Variants in NLRP1 observed in about 807,000 individuals in gnomAD.
NLRP1 encodes NACHT, LRR and PYD domains-containing protein 1.
In NLRP1, 94 loss-of-function variants were observed where a neutral mutation model predicts 136.7. The ratio of observed to expected loss-of-function variants is 0.69; its 90% CI spans 0.58 to 0.82. The LOEUF is 0.82. Ranked by LOEUF, NLRP1 falls within the 40% of genes least tolerant of loss-of-function variation. The probability of loss-of-function intolerance (pLI) is 0.00; values close to 1 mark genes in which losing one functional copy is unlikely to be tolerated. For synonymous variants in NLRP1, 690 were observed against 725.1 expected (o/e 0.95, Z 0.78); for missense variants, 1,575 against 1,802.7 (o/e 0.87, Z 2.29).
At chr17:5,567,788 T>A (rs2151814146) in intron 3 of NLRP1, among the ~76,000 whole-genome samples, 1 of 152,218 alleles carries the variant, frequency 6.6e-6, no homozygotes, top group African/African-American at 2.4e-5. Flanking sequence ...TTTGGGAAAA[T>A]CTTTATTTCT....
At chr17:5,531,831 C>A (rs1193813800) in intron 11 of NLRP1, among the ~76,000 whole-genome samples, 1 of 152,192 alleles carries the variant, frequency 6.6e-6, no homozygotes, top group African/African-American at 2.4e-5. Context: ...TAGTACAGTC[C>A]TTAGCTCATT....
chr17:5,531,292 T>C (rs1373102973), intron 11 of NLRP1, among the ~76,000 whole-genome samples: 1 of 152,146 alleles, frequency 6.6e-6, no homozygotes, highest in Non-Finnish European at 1.5e-5. Context: ...CTTGGTTCAC[T>C]GCAGCCTCGA....
At chr17:5,535,207 G>A (rs1391186084) in intron 8 of NLRP1, among the ~76,000 whole-genome samples, 10 of 151,250 alleles carry the variant, frequency 6.6e-5, no homozygotes, top group Admixed American at 2.6e-4. Context: ...GTGACAGAGC[G>A]AGACTCTGTC....
At position 5,558,553 on chromosome 17, in the gene NLRP1, A is replaced by G. The variant is rs755314780; in HGVS notation, c.2143T>C (p.Ser715Pro). ...TACAAGCAGTGGAGGGACTCCAGAG[A>G]GTGTGGCTGCAGCAGCAGCTGCAGG... is the stretch of plus-strand genomic sequence containing the variant. ...PSLQLLLQPH[S>P]LESLHCLYET... Residue 715 changes from serine (S) to proline (P), a missense_variant, in exon 4 of 17, where the codon TCT (serine) becomes CCT (proline). Ser to Pro is a moderately conservative substitution (Grantham distance 74). Coordinates refer to ENST00000572272, the MANE Select transcript of NLRP1 (RefSeq NM_033004.4). The G allele has an allele frequency of 3.1e-6, 5 of 1,613,738 alleles. No individual in the cohort carries two copies. The highest frequency in any genetic ancestry group is 2.2e-5 in the South Asian group (2 of 91,062).
chr17:5,539,726 G>T, intron 6 of NLRP1, 141 bp from the exon 7 acceptor site: 1 of 1,386,922 alleles, frequency 7.2e-7, no homozygotes, highest in East Asian at 2.7e-5. Context: ...AAACTTTCCT[G>T]GCTTGCGGTA....
In NLRP1 at chr17:5,532,446, A is replaced by G. The variant is rs574879453; in HGVS notation, c.3296+376T>C. 2.0e-5 allele frequency among the ~76,000 whole-genome samples: 3 copies of G among 152,282 alleles called. No homozygotes were observed. In the South Asian group the frequency reaches 6.2e-4, roughly 32 times the overall value. ...TTTTTGTTTTTTGAGATGCGTAATGAAATATTTAAGGGTAAAATCACCCGA... is the reference window on the plus strand; with the variant it reads ...TTTTTGTTTTTTGAGATGCGTAATGGAATATTTAAGGGTAAAATCACCCGA... On this transcript the variant is annotated intron_variant, in intron 11 of 16. Coordinates refer to ENST00000572272, the MANE Select transcript of NLRP1 (RefSeq NM_033004.4).
rs201695484 is a variant in NLRP1, at chr17:5,584,336, T to C, written c.-379A>G. The C allele has an allele frequency of 2.0e-5, 5 of 249,066 alleles. No homozygotes were observed. The highest frequency in any genetic ancestry group is 3.2e-5 in the Non-Finnish European group (4 of 126,288). 15.4% of individuals were successfully genotyped at this position (249,066 alleles called of 1,614,324 possible). A position where few individuals can be genotyped will look rare whatever the true frequency, so the allele number is the denominator to read the frequency against. ...TTCTTCCCTCTCCTGGGTCCTGGAC[T>C]CCTGAGATCAACCCTTGAGCTGCAA... On this transcript the variant is annotated 5_prime_UTR_variant, in exon 1 of 17. Transcript: ENST00000572272.
chr17:5,514,748 G>C lies in NLRP1; in HGVS notation c.*6C>G, dbSNP rs34156685. On this transcript the variant is annotated 3_prime_UTR_variant, in exon 17 of 17. Coordinates refer to ENST00000572272, the MANE Select transcript of NLRP1 (RefSeq NM_033004.4). ...GACTCAAGGGTCAAGGGCTGGTGTT[G>C]ATACTTCAGCTGCTGAGTGGCAGGA... The C allele has an allele frequency of 0.047, 76,409 of 1,613,642 alleles. 2,059 individuals are homozygous for C. Among genetic ancestry groups the C allele is most frequent in the Middle Eastern group, 0.085 (517 of 6,062 alleles).
rs776412934 is a variant in NLRP1 at position 5,514,741 on chromosome 17, T to C, written c.*13A>G. On this transcript the variant is annotated 3_prime_UTR_variant, in exon 17 of 17. Transcript: ENST00000572272. The stretch of plus-strand genomic sequence containing the variant: ...AAGCCAGGACTCAAGGGTCAAGGGC[T>C]GGTGTTGATACTTCAGCTGCTGAGT... 5.6e-6 allele frequency: 9 copies of C among 1,613,174 alleles called. No homozygotes were observed. In the South Asian group the frequency reaches 9.9e-5, roughly 18 times the overall value.
chr17:5,565,173 A>C (rs994348518), intron 3 of NLRP1, among the ~76,000 whole-genome samples: 8 of 152,332 alleles, frequency 5.3e-5, no homozygotes, highest in African/African-American at 1.9e-4. Context: ...CTTTTGGATA[A>C]AAGCCATTTT....
At chr17:5,508,906 G>A (rs1190577906) in intron 15 of NLRP1, among the ~76,000 whole-genome samples, 3 of 152,168 alleles carry the variant, frequency 2.0e-5, no homozygotes, top group Non-Finnish European at 4.4e-5. Context: ...CAGAACTTGT[G>A]CACCATGGTT....
At chr17:5,510,073 C>CTTTTT (rs899981503), downstream of NLRP1, among the ~76,000 whole-genome samples, 5 of 147,222 alleles carry the variant, frequency 3.4e-5, no homozygotes, top group African/African-American at 1.2e-4. Context: ...TCTTCTTCTT[C>CTTTTT]TTTTTTTTTT....
chr17:5,560,012 C>G lies in NLRP1; in HGVS notation c.684G>C (p.Glu228Asp), dbSNP rs772454679. Residue 228 changes from glutamate to aspartate, a missense_variant, in exon 4 of 17, where the codon GAG becomes GAC. By Grantham distance (45) the Glu-to-Asp change is conservative. Transcript: ENST00000572272. Reference sequence around the variant, plus strand: ...CCGCTGCCCATGGGGGCCTGCCTTTCTCTGATTTCTCTCTCTCTCTTTCTC... The same window carrying G: ...CCGCTGCCCATGGGGGCCTGCCTTTGTCTGATTTCTCTCTCTCTCTTTCTC... The part of the protein sequence containing the change: ...EIREREREKS[E>D]KGRPPWAAVV... 1 of 1,575,080 alleles carries G rather than the reference C, an allele frequency of 6.3e-7. No individual in the cohort carries two copies. The highest frequency in any genetic ancestry group is 8.6e-7 in the Non-Finnish European group (1 of 1,163,730).
intron 14 of NLRP1, 69 bp downstream of exon 14, chr17:5,520,812 G>C: frequency 7.1e-7 from 1 of 1,410,338 alleles, no homozygotes; most frequent in Non-Finnish European, 9.5e-7. Context: ...CCTGAGACCT[G>C]CCCCACAGGC....
chr17:5,564,815 G>T (rs1209302613), intron 3 of NLRP1, among the ~76,000 whole-genome samples: 1 of 139,988 alleles, frequency 7.1e-6, no homozygotes, highest in African/African-American at 2.7e-5. Context: ...TTGGCTCACT[G>T]CAAGCTCCGC....
chr17:5,531,300 C>T (rs1910244237), intron 11 of NLRP1, among the ~76,000 whole-genome samples: 1 of 152,062 alleles, frequency 6.6e-6, no homozygotes, highest in African/African-American at 2.4e-5. Flanking sequence ...ACTGCAGCCT[C>T]GAAATCCCTG....
downstream of NLRP1, among the ~76,000 whole-genome samples, chr17:5,509,486 GA>G (rs1907516123): frequency 6.6e-6 from 1 of 152,198 alleles, no homozygotes; most frequent in Admixed American, 6.5e-5. Flanking sequence ...TACTCCTTGG[GA>G]GAGTGACTCC....
At chr17:5,528,744 A>G (rs1370969820) in intron 12 of NLRP1, among the ~76,000 whole-genome samples, 1 of 152,248 alleles carries the variant, frequency 6.6e-6, no homozygotes, top group Non-Finnish European at 1.5e-5. Flanking sequence ...TACTAAAAAT[A>G]CATTGAACTA....
At position 5,533,382 on chromosome 17, in the gene NLRP1, T is replaced by C; in HGVS notation, c.3055A>G (p.Arg1019Gly). The C allele has an allele frequency of 6.2e-6, 7 of 1,129,480 alleles. No individual in the cohort carries two copies. The highest frequency in any genetic ancestry group is 9.2e-6 in the Non-Finnish European group (7 of 762,894). 70.0% of individuals were successfully genotyped at this position (1,129,480 alleles called of 1,614,324 possible). ...SLKRQRLGSERAASHVAQANL... is the reference protein window; with the variant it reads ...SLKRQRLGSEGAASHVAQANL... ...GCCTGAGCAACATGGGAAGCCGCCC[T>C]CTCTACAGAAAAAAGAAAAATATCA... Residue 1019 changes from arginine (R) to glycine (G), a missense_variant and splice_region_variant, in exon 10 of 17, where the codon AGG (arginine) becomes GGG (glycine). Physicochemically the swap from Arg to Gly is moderately radical, Grantham distance 125 (BLOSUM62 -2). Transcript: ENST00000572272.
Sources: allele counts gnomAD v4.1 joint callset (sites outside exome capture counted in the v4.1 genomes callset), GRCh38; gene constraint gnomAD v4.1.1; transcripts MANE v1.5; gene names NCBI Gene and HGNC (gene_info 2026-07-23, HGNC 2026-07-21).